The following GARNL3 variants were observed in gnomAD, a reference collection of about 807,000 sequenced individuals.
GARNL3 encodes GTPase-activating Rap/Ran-GAP domain-like protein 3.
In GARNL3, 63 loss-of-function variants were observed where a neutral mutation model predicts 125.0. The ratio of observed to expected loss-of-function variants is 0.50; its 90% confidence interval spans 0.41 to 0.62. The LOEUF (loss-of-function observed/expected upper bound fraction) is 0.62. Ranked by LOEUF, GARNL3 falls within the 20% of genes least tolerant of loss-of-function variation. GARNL3 has a pLI of 0.00. For missense variants in GARNL3, 994 were observed against 1,244.0 expected (o/e 0.80, Z 3.02); for synonymous variants, 439 against 457.5 (o/e 0.96, Z 0.52).
intron 1 of GARNL3, among the ~76,000 whole-genome samples, chr9:127,230,821 AGAG>A (rs1272774451): frequency 1.3e-5 from 2 of 151,470 alleles, no homozygotes; most frequent in South Asian, 2.1e-4. Flanking sequence ...ATTTAGGAAG[AGAG>A]GAGGTGAGGA....
At chr9:127,312,790 A>T (rs1588832378) in intron 3 of GARNL3, among the ~76,000 whole-genome samples, 1 of 152,166 alleles carries the variant, frequency 6.6e-6, no homozygotes, top group Non-Finnish European at 1.5e-5. Context: ...CAGTTATTTT[A>T]AAAAAGGAAA....
intron 2 of GARNL3, among the ~76,000 whole-genome samples, chr9:127,308,097 T>C (rs2065005403): frequency 6.6e-6 from 1 of 152,174 alleles, no homozygotes. Context: ...CATGCGAAAG[T>C]CCTACAAGGA....
At chr9:127,237,645 C>T (rs1426167397) in intron 1 of GARNL3, among the ~76,000 whole-genome samples, 1 of 152,192 alleles carries the variant, frequency 6.6e-6, no homozygotes, top group African/African-American at 2.4e-5. Context: ...GTTCCCTGTA[C>T]ATGGGTGTGC....
rs781043018 is a variant in GARNL3 at position 127,264,913 on chromosome 9, A to G, written c.36A>G (p.Arg12=). The stretch of plus-strand genomic sequence containing the variant: ...ATTTTTGCAGAAGGTTTGTGGCCAG[A>G]TCGCTATGTATAATACTGATGAAGC... ...VVDFCRRFVA[R]SLCIILMKHF... Residue 12 remains arginine (R), a synonymous_variant, in exon 1 of 28, where the codon AGA becomes AGG. Transcript: ENST00000373387. 1 of 1,602,432 alleles carries G rather than the reference A, an allele frequency of 6.2e-7. No homozygotes were observed. The highest frequency in any genetic ancestry group is 8.5e-7 in the Non-Finnish European group (1 of 1,173,384).
At chr9:127,345,965 T>C (rs1830115287) in intron 16 of GARNL3, among the ~76,000 whole-genome samples, 1 of 152,170 alleles carries the variant, frequency 6.6e-6, no homozygotes, top group African/African-American at 2.4e-5. Flanking sequence ...ATTGAACAGG[T>C]CTGGGGTGGG....
At position 127,393,131 on chromosome 9, in the gene GARNL3, T is replaced by C; in HGVS notation, c.2919T>C (p.Pro973=). The change falls in exon 28 of 28, where the codon CCT becomes CCC. Residue 973 remains proline, a synonymous_variant. Transcript: ENST00000373387. ...GTGCTTCTACTTCCGAAGCCAACCC[T>C]GAGGGGCACTCAGCCAGCTCTGACC... ...LESASTSEAN[P]EGHSASSDQD... 1 of 1,611,212 alleles carries C rather than the reference T, an allele frequency of 6.2e-7. No homozygotes were observed. Among genetic ancestry groups the C allele is most frequent in the Non-Finnish European group, 8.5e-7 (1 of 1,177,512 alleles).
chr9:127,283,046 C>A (rs919419412), intron 1 of GARNL3, among the ~76,000 whole-genome samples: 1 of 151,942 alleles, frequency 6.6e-6, no homozygotes, highest in African/African-American at 2.4e-5. Flanking sequence ...ATATATTGAA[C>A]ACTGTTCAGT....
intron 1 of GARNL3, among the ~76,000 whole-genome samples, 153 bp from the exon 2 acceptor site, chr9:127,291,015 A>G (rs2064398406): frequency 6.6e-6 from 1 of 152,232 alleles, no homozygotes; most frequent in African/African-American, 2.4e-5. Context: ...CAACTGTATG[A>G]GTACCTGCCT....
At chr9:127,359,637 A>G (rs542764040) in intron 21 of GARNL3, among the ~76,000 whole-genome samples, 21 of 152,324 alleles carry the variant, frequency 1.4e-4, no homozygotes, top group South Asian at 4.1e-4. Flanking sequence ...AGCTTTTGCT[A>G]GTGGAAAAGT....
rs778607977 is a variant in GARNL3, at chr9:127,325,072, T to C, written c.571T>C (p.Leu191=). The C allele has an allele frequency of 5.6e-6, 9 of 1,613,552 alleles. No individual in the cohort carries two copies. In the Admixed American group the frequency reaches 1.5e-4, roughly 27 times the overall value. The part of the protein sequence containing the change: ...EIFHPEIQKD[L]LVLEEQEGSV... ...CTTTTAAAACTTTATTTGACAGGAC[T>C]TGCTGGTTCTTGAAGAACAAGAGGT... The change falls in exon 7 of 28, where the codon TTG becomes CTG. Residue 191 remains leucine, a synonymous_variant. Transcript: ENST00000373387.
In GARNL3 at chr9:127,385,025, A is replaced by G. The variant is rs775139562; in HGVS notation, c.2270-2A>G. The G allele has an allele frequency of 1.3e-6, 2 of 1,598,676 alleles. No homozygotes were observed. The highest frequency in any genetic ancestry group is 1.7e-6 in the Non-Finnish European group (2 of 1,169,026). ...GGAGGTGACACTCCCGTTCCCTTGCAGTCTGTGCTTTCCCGTATCTCCTGG... is the reference window on the plus strand; with the variant it reads ...GGAGGTGACACTCCCGTTCCCTTGCGGTCTGTGCTTTCCCGTATCTCCTGG... On this transcript the variant is annotated splice_acceptor_variant, in intron 23 of 27. Coordinates refer to ENST00000373387, the MANE Select transcript of GARNL3 (RefSeq NM_032293.5). LOFTEE classifies it high-confidence loss of function. This position sits in a 1 kb window ranked among gnomAD's most constrained non-coding sequence, Gnocchi z 4.1.
At chr9:127,391,289 A>T (rs1832819462) in intron 27 of GARNL3, among the ~76,000 whole-genome samples, 1 of 147,396 alleles carries the variant, frequency 6.8e-6, no homozygotes, top group Admixed American at 6.8e-5. Context: ...CATCTCAAAA[A>T]ATATATATAT....
At chr9:127,231,041 TATA>T (rs2062997313) in intron 1 of GARNL3, among the ~76,000 whole-genome samples, 3 of 47,290 alleles carry the variant, frequency 6.3e-5, no homozygotes, top group Middle Eastern at 8.8e-3. Flanking sequence ...TATACATATA[TATA>T]TATATATTTT....
At chr9:127,287,814 T>C (rs1210493892) in intron 1 of GARNL3, among the ~76,000 whole-genome samples, 6 of 152,368 alleles carry the variant, frequency 3.9e-5, no homozygotes, top group Non-Finnish European at 7.3e-5. Context: ...TCCGGTTATC[T>C]GGCCTGCCCT....
chr9:127,234,725 C>T (rs950194091), intron 1 of GARNL3, among the ~76,000 whole-genome samples: 4 of 152,118 alleles, frequency 2.6e-5, no homozygotes, highest in Admixed American at 1.3e-4. Context: ...CTGTAAAGTC[C>T]AAGATCCAGG....
intron 24 of GARNL3, among the ~76,000 whole-genome samples, chr9:127,386,116 G>T (rs1164040875): frequency 6.6e-6 from 1 of 152,102 alleles, no homozygotes; most frequent in Non-Finnish European, 1.5e-5. Flanking sequence ...CTGAACTCTT[G>T]TATCCATAGC....
chr9:127,318,864 A>T (rs2065314492), intron 5 of GARNL3, among the ~76,000 whole-genome samples: 2 of 152,216 alleles, frequency 1.3e-5, no homozygotes, highest in African/African-American at 4.8e-5. Context: ...AAGTAGATCT[A>T]TTATTATCTC....
intron 7 of GARNL3, among the ~76,000 whole-genome samples, chr9:127,328,805 T>C (rs191845442): frequency 8.1e-4 from 124 of 152,352 alleles, no homozygotes; most frequent in African/African-American, 2.8e-3. Flanking sequence ...TGTGACTGCC[T>C]GTTGGTTTGT....
At chr9:127,271,296 T>G (rs1170554046) in intron 1 of GARNL3, among the ~76,000 whole-genome samples, 1 of 150,420 alleles carries the variant, frequency 6.6e-6, no homozygotes, top group Non-Finnish European at 1.5e-5. Flanking sequence ...ATAGGAATAA[T>G]GTTTATTTGC....
Sources: allele counts gnomAD v4.1 joint callset (sites outside exome capture counted in the v4.1 genomes callset), GRCh38; gene constraint gnomAD v4.1.1; non-coding constraint Gnocchi (gnomAD v3.1); transcripts MANE v1.5; gene names NCBI Gene and HGNC (gene_info 2026-07-23, HGNC 2026-07-21).